The following IL1RAPL1 variants were observed in gnomAD, a reference collection of about 807,000 sequenced individuals.
IL1RAPL1 encodes interleukin-1 receptor accessory protein-like 1.
A neutral mutation model predicts 48.4 loss-of-function variants in IL1RAPL1; 3 were observed. That is an observed-to-expected ratio of 0.06 (90% CI 0.03 to 0.16). The LOEUF (loss-of-function observed/expected upper bound fraction) is 0.16. Ranked by LOEUF, IL1RAPL1 falls within the 10% of genes least tolerant of loss-of-function variation. The pLI is 1.00. For synonymous variants in IL1RAPL1, 185 were observed against 187.7 expected (o/e 0.99, Z 0.12); for missense variants, 349 against 530.6 (o/e 0.66, Z 3.36).
intron 6 of IL1RAPL1, among the ~76,000 whole-genome samples, chrX:29,688,179 G>A (rs186339742): frequency 8.9e-6 from 1 of 112,001 alleles, no homozygotes; most frequent in East Asian, 2.8e-4. Flanking sequence ...ATTACTTGAT[G>A]GCTTAAAACA....
At chrX:29,682,268 T>C (rs999132873) in intron 6 of IL1RAPL1, among the ~76,000 whole-genome samples, 2 of 111,324 alleles carry the variant, frequency 1.8e-5, no homozygotes, top group African/African-American at 6.5e-5. Context: ...TTCTTCACAG[T>C]CTGACCCCAT....
At position 28,660,086 on chromosome X, in the gene IL1RAPL1, GGTGTGTGTGTGTGTGTGTGTGTGT is replaced by G. The variant is rs60600833; in HGVS notation, c.-25+72070_-25+72093del. On this transcript the variant is annotated intron_variant, in intron 1 of 10. Coordinates refer to ENST00000378993, the MANE Select transcript of IL1RAPL1 (RefSeq NM_014271.4). ...TCCAAAGCAGAAGCAGAGTGAGGATGGTGTGTGTGTGTGTGTGTGTGTGTGTGTGTGTGTGTGTGTGTGTGTGTG... is the reference window on the plus strand; with the variant it reads ...TCCAAAGCAGAAGCAGAGTGAGGATGGTGTGTGTGTGTGTGTGTGTGTGTG... Among the ~76,000 whole-genome samples the G allele has an allele frequency of 4.8e-3, 370 of 76,439 alleles. 2 individuals carry two copies. The highest frequency in any genetic ancestry group is 0.017 in the African/African-American group (347 of 20,798). 66.4% of individuals were successfully genotyped at this position (76,439 alleles called of 115,157 possible). A position where few individuals can be genotyped will look rare whatever the true frequency, so the allele number is the denominator to read the frequency against.
chrX:29,930,589 T>C (rs757085054), intron 8 of IL1RAPL1, among the ~76,000 whole-genome samples: 13 of 111,906 alleles, frequency 1.2e-4, no homozygotes, highest in African/African-American at 4.2e-4. Flanking sequence ...TTTCTTATCA[T>C]CCTTATGCAT....
intron 2 of IL1RAPL1, among the ~76,000 whole-genome samples, chrX:29,055,240 AT>A (rs1272173489): frequency 1.8e-5 from 2 of 110,458 alleles, no homozygotes; most frequent in Non-Finnish European, 3.8e-5. Flanking sequence ...CCTCAGTGCA[AT>A]TTTTTTCCAG....
chrX:29,202,272 C>T (rs751566204), intron 2 of IL1RAPL1, among the ~76,000 whole-genome samples: 3 of 111,789 alleles, frequency 2.7e-5, no homozygotes, highest in Non-Finnish European at 5.6e-5. Flanking sequence ...CTCAACATCA[C>T]TGATCATTAG....
chrX:29,483,678 C>T (rs1341769222), intron 5 of IL1RAPL1, among the ~76,000 whole-genome samples: 1 of 98,878 alleles, frequency 1.0e-5, no homozygotes, highest in Non-Finnish European at 2.0e-5. Context: ...GCAGAAAGTA[C>T]TACAGTAGTA....
intron 2 of IL1RAPL1, among the ~76,000 whole-genome samples, chrX:28,800,843 G>A (rs758670696): frequency 3.1e-5 from 3 of 96,381 alleles, no homozygotes. Flanking sequence ...GCATATTAAA[G>A]GGATTTTATT....
At chrX:29,685,647 A>T (rs1394727182) in intron 6 of IL1RAPL1, among the ~76,000 whole-genome samples, 2 of 111,566 alleles carry the variant, frequency 1.8e-5, no homozygotes, top group Non-Finnish European at 3.8e-5. Context: ...GGTTTCATAA[A>T]CACTAGTATC....
intron 5 of IL1RAPL1, among the ~76,000 whole-genome samples, chrX:29,410,453 T>C (rs1934129691): frequency 9.4e-6 from 1 of 106,291 alleles, no homozygotes; most frequent in Non-Finnish European, 1.9e-5. Flanking sequence ...AGAGCAAGAC[T>C]CTGTGTCAAA....
chrX:28,957,791 C>G (rs936290825), intron 2 of IL1RAPL1, among the ~76,000 whole-genome samples: 4 of 108,688 alleles, frequency 3.7e-5, no homozygotes, highest in East Asian at 2.9e-4. Flanking sequence ...GAAACCCTGT[C>G]TCTACTAAAA....
intron 2 of IL1RAPL1, among the ~76,000 whole-genome samples, chrX:29,015,497 G>T (rs1326681025): frequency 9.0e-6 from 1 of 110,747 alleles, no homozygotes; most frequent in Non-Finnish European, 1.9e-5. Flanking sequence ...ATTATTAGAA[G>T]AATATGTCAC....
intron 1 of IL1RAPL1, among the ~76,000 whole-genome samples, chrX:28,772,885 A>G (rs1409179428): frequency 9.0e-6 from 1 of 111,317 alleles, no homozygotes; most frequent in Non-Finnish European, 1.9e-5. Context: ...TGTTATACTC[A>G]CTTGTGGAAA....
intron 2 of IL1RAPL1, among the ~76,000 whole-genome samples, chrX:28,918,077 C>A (rs1324890866): frequency 1.8e-5 from 2 of 112,340 alleles, no homozygotes; most frequent in Non-Finnish European, 3.8e-5. Context: ...CTCATGATTT[C>A]CTTTTTTATA....
chrX:29,189,490 C>G (rs1930312996), intron 2 of IL1RAPL1, among the ~76,000 whole-genome samples: 1 of 110,948 alleles, frequency 9.0e-6, no homozygotes, highest in Non-Finnish European at 1.9e-5. Flanking sequence ...ATCTTAATAT[C>G]TAATTCTTCC....
intron 2 of IL1RAPL1, among the ~76,000 whole-genome samples, chrX:28,992,489 C>CA (rs1246127181): frequency 0.015 from 240 of 16,047 alleles, no homozygotes; most frequent in African/African-American, 0.018. Flanking sequence ...GACTCTGTCT[C>CA]AAAAAAAAAA....
intron 3 of IL1RAPL1, among the ~76,000 whole-genome samples, chrX:29,335,138 G>A (rs1249750821): frequency 1.0e-4 from 11 of 110,151 alleles, no homozygotes; most frequent in Non-Finnish European, 1.3e-4. Flanking sequence ...CCAGTCAGGC[G>A]TGGCGTCGCA....
chrX:28,650,581 C>T (rs1934671484), intron 1 of IL1RAPL1, among the ~76,000 whole-genome samples: 1 of 111,810 alleles, frequency 8.9e-6, no homozygotes, highest in African/African-American at 3.3e-5. Flanking sequence ...CCATATCATA[C>T]ATTGAGGAAT....
intron 5 of IL1RAPL1, among the ~76,000 whole-genome samples, chrX:29,483,115 G>A (rs1266939282): frequency 3.6e-5 from 4 of 111,713 alleles, no homozygotes; most frequent in Non-Finnish European, 7.5e-5. Flanking sequence ...ATGCCAGTGG[G>A]ATAAAACACT....
rs1316760360 is a variant in IL1RAPL1, at chrX:29,909,727, TAAAG to T, written c.779-7736_779-7733del. Among the ~76,000 whole-genome samples the T allele has an allele frequency of 9.3e-3, 1,041 of 111,607 alleles. 8 individuals are homozygous for T. Among genetic ancestry groups the T allele is most frequent in the African/African-American group, 0.032 (980 of 30,730 alleles). On this transcript the variant is annotated intron_variant, in intron 6 of 10. Coordinates refer to ENST00000378993, the MANE Select transcript of IL1RAPL1 (RefSeq NM_014271.4). ...AATGGCCATACTGCCCAAAACAGTT[TAAAG>T]TTTCAGTGCTATGATTAAAAAGTCA... is the stretch of plus-strand genomic sequence containing the variant.
Sources: allele counts gnomAD v4.1 joint callset (sites outside exome capture counted in the v4.1 genomes callset), GRCh38; gene constraint gnomAD v4.1.1; transcripts MANE v1.5; gene names NCBI Gene and HGNC (gene_info 2026-07-23, HGNC 2026-07-21).